SERINC1: variants seen among roughly 807,000 people sequenced by gnomAD.
SERINC1 encodes the protein serine incorporator 1.
SERINC1 carries 38 observed loss-of-function variants against 52.9 expected under a neutral mutation model. The ratio of observed to expected loss-of-function variants is 0.72; its 90% CI spans 0.55 to 0.94. The LOEUF is 0.94. Among genes scored for constraint, SERINC1 ranks in the 40% least tolerant of loss-of-function variants. SERINC1 has a pLI of 0.00. For synonymous variants in SERINC1, 198 were observed against 183.1 expected (o/e 1.08, Z -0.66); for missense variants, 471 against 533.9 (o/e 0.88, Z 1.16).
intron 1 of SERINC1, among the ~76,000 whole-genome samples, chr6:122,465,516 G>C (rs1286202836): frequency 6.6e-6 from 1 of 152,180 alleles, no homozygotes; most frequent in African/African-American, 2.4e-5. Context: ...TTGCCTTCCA[G>C]AATGCAGGTA....
At chr6:122,455,992 A>G (rs998356096) in intron 3 of SERINC1, among the ~76,000 whole-genome samples, 17 of 152,320 alleles carry the variant, frequency 1.1e-4, no homozygotes, top group African/African-American at 3.8e-4. Flanking sequence ...GGTAGCACAT[A>G]TAACTAGATA....
intron 7 of SERINC1, among the ~76,000 whole-genome samples, chr6:122,448,788 ATTTTTTT>A (rs67382351): frequency 1.7e-5 from 2 of 119,478 alleles, no homozygotes; most frequent in South Asian, 5.5e-4. Context: ...TGCTTTGCCT[ATTTTTTT>A]TTTTTTTTTT....
chr6:122,452,654 T>C lies in SERINC1; in HGVS notation c.590-597A>G, dbSNP rs573691342. Among the ~76,000 whole-genome samples, 8 of 152,346 alleles carry C rather than the reference T, an allele frequency of 5.3e-5. No homozygotes were observed. In the South Asian group the frequency reaches 1.7e-3, roughly 32 times the overall value. ...TATGTGCCTAATATACAAGTATTTA[T>C]GTAGATTTGCCTCGCTGACAGGGGA... On this transcript the variant is annotated intron_variant, in intron 5 of 9. Coordinates refer to ENST00000339697, the MANE Select transcript of SERINC1 (RefSeq NM_020755.4).
chr6:122,446,692 C>T, intron 9 of SERINC1, 82 bp downstream of exon 9: 1 of 877,530 alleles, frequency 1.1e-6, no homozygotes, highest in Non-Finnish European at 1.8e-6. Flanking sequence ...AAAAGTACTT[C>T]ATATCACATC....
Position 122,443,929 on chromosome 6 carries a change from A to G in SERINC1, c.*1115T>C, listed in dbSNP as rs1007209556. The G allele has an allele frequency of 6.6e-6, 1 of 152,202 alleles. No homozygotes were observed. Among genetic ancestry groups the G allele is most frequent in the African/African-American group, 2.4e-5 (1 of 41,456 alleles). 9.4% of individuals were successfully genotyped at this position (152,202 alleles called of 1,614,324 possible). A position where few individuals can be genotyped will look rare whatever the true frequency, so the allele number is the denominator to read the frequency against. On this transcript the variant is annotated 3_prime_UTR_variant, in exon 10 of 10. Coordinates refer to ENST00000339697, the MANE Select transcript of SERINC1 (RefSeq NM_020755.4). Reference sequence around the variant, plus strand: ...ATGAGAGAACTGGACTAGATTTTATATAAGTACCTACTAAAGCCTAGTGTT... The same window carrying G: ...ATGAGAGAACTGGACTAGATTTTATGTAAGTACCTACTAAAGCCTAGTGTT...
At chr6:122,449,673 C>T (rs929578084) in intron 7 of SERINC1, among the ~76,000 whole-genome samples, 2 of 152,182 alleles carry the variant, frequency 1.3e-5, no homozygotes, top group African/African-American at 4.8e-5. Flanking sequence ...AGTGCTGATG[C>T]AGAAGCTACA....
In SERINC1 at chr6:122,454,088, G is replaced by A. The variant is rs1582632832; in HGVS notation, c.451+63C>T. ...AAGACAAACAATTATAGTTCCAGGT[G>A]ACAATTATTTCAGATTCCTTTATAA... On this transcript the variant is annotated intron_variant, in intron 4 of 9. Transcript: ENST00000339697. 3.3e-6 allele frequency: 4 copies of A among 1,228,924 alleles called. No homozygotes were observed. In the East Asian group the frequency reaches 7.3e-5, roughly 22 times the overall value. 76.1% of individuals were successfully genotyped at this position (1,228,924 alleles called of 1,614,324 possible).
At chr6:122,455,673 C>A (rs977013654) in intron 3 of SERINC1, among the ~76,000 whole-genome samples, 2 of 152,076 alleles carry the variant, frequency 1.3e-5, no homozygotes, top group East Asian at 3.9e-4. Flanking sequence ...TCAGAAAAAA[C>A]AACAATTACA....
intron 8 of SERINC1, 21 bp downstream of exon 8, chr6:122,447,100 A>C (rs1562212345): frequency 6.2e-7 from 1 of 1,601,640 alleles, no homozygotes. Flanking sequence ...TTAAAGAAAA[A>C]AATTCCATAG....
chr6:122,451,974 T>G lies in SERINC1; in HGVS notation c.673A>C (p.Ser225Arg). 1 of 1,598,990 alleles carries G rather than the reference T, an allele frequency of 6.3e-7. No homozygotes were observed. The highest frequency in any genetic ancestry group is 8.5e-7 in the Non-Finnish European group (1 of 1,173,068). The change falls in exon 6 of 10, where the codon AGT becomes CGT. Residue 225 changes from serine (S) to arginine (R), a missense_variant. Transcript: ENST00000339697. ...ATGAACGCCTTGTTTTCTGAACAAC[T>G]GGCTGGATGAGTGTAGTAGACAAAG... ...LFFVYYTHPA[S>R]CSENKAFISV...
intron 1 of SERINC1, among the ~76,000 whole-genome samples, chr6:122,469,399 C>CA (rs1775237267): frequency 6.8e-6 from 1 of 146,692 alleles, no homozygotes; most frequent in Non-Finnish European, 1.5e-5. Flanking sequence ...TTTTTTGACA[C>CA]AGAGTCTCAC....
At chr6:122,461,954 A>G (rs1469711126) in intron 1 of SERINC1, among the ~76,000 whole-genome samples, 1 of 152,186 alleles carries the variant, frequency 6.6e-6, no homozygotes, top group African/African-American at 2.4e-5. Context: ...TCATAAACAT[A>G]CACAAAAAAA....
At chr6:122,458,359 A>G (rs1021659786) in intron 2 of SERINC1, among the ~76,000 whole-genome samples, 161 bp downstream of exon 2, 2 of 152,192 alleles carry the variant, frequency 1.3e-5, no homozygotes, top group African/African-American at 4.8e-5. Context: ...TTAACAAACT[A>G]ATGTATATTA....
At chr6:122,470,707 A>C (rs898581905) in intron 1 of SERINC1, among the ~76,000 whole-genome samples, 16 of 152,140 alleles carry the variant, frequency 1.1e-4, no homozygotes, top group Non-Finnish European at 2.4e-4. Context: ...AAAACCTTTA[A>C]GAGTATATAT....
At chr6:122,458,821 T>C in intron 1 of SERINC1, 140 bp from the exon 2 acceptor site, 1 of 587,448 alleles carries the variant, frequency 1.7e-6, no homozygotes, top group Middle Eastern at 3.7e-4. Context: ...ACATACGGTA[T>C]TTGGTTCATA....
At chr6:122,449,013 AT>A (rs1774858813) in intron 7 of SERINC1, among the ~76,000 whole-genome samples, 3 of 152,144 alleles carry the variant, frequency 2.0e-5, no homozygotes, top group Non-Finnish European at 4.4e-5. Flanking sequence ...TTATGTTACT[AT>A]TGTAATTTCT....
chr6:122,457,385 C>T (rs1775016801), intron 2 of SERINC1, among the ~76,000 whole-genome samples: 1 of 152,158 alleles, frequency 6.6e-6, no homozygotes, highest in South Asian at 2.1e-4. Context: ...AATTTCTATC[C>T]TCAAGGCAGT....
rs1484621197 is a variant in SERINC1 at position 122,458,560 on chromosome 6, C to T, written c.161G>A (p.Cys54Tyr). ...TTCCATTCCTGGTATCAACATTACA[C>T]AAGCTACACATACTCCAACAAGCAA... ...LFLLVGVCVACVMLIPGMEEQ... is the reference protein window; with the variant it reads ...LFLLVGVCVAYVMLIPGMEEQ... The change falls in exon 2 of 10, where the codon TGT becomes TAT. Residue 54 changes from cysteine (C) to tyrosine (Y), a missense_variant. By Grantham distance (194) the Cys-to-Tyr change is radical. Coordinates refer to ENST00000339697, the MANE Select transcript of SERINC1 (RefSeq NM_020755.4). 6.2e-7 allele frequency: 1 copy of T among 1,613,168 alleles called. No individual in the cohort carries two copies. The highest frequency in any genetic ancestry group is 1.3e-5 in the African/African-American group (1 of 74,860).
At position 122,471,549 on chromosome 6, in the gene SERINC1, G is replaced by A. The variant is rs189370395; in HGVS notation, c.39+150C>T. On this transcript the variant is annotated intron_variant, in intron 1 of 9. Transcript: ENST00000339697. ...AGCTCTGAAGCTGAGTCTGAGTGACGAGAGGAGACGGGAAGAAAACGGGGA... is the reference window on the plus strand; with the variant it reads ...AGCTCTGAAGCTGAGTCTGAGTGACAAGAGGAGACGGGAAGAAAACGGGGA... 2.7e-3 allele frequency: 2,413 copies of A among 895,136 alleles called. 12 individuals carry two copies. Among genetic ancestry groups the A allele is most frequent in the African/African-American group, 2.6e-3 (157 of 59,930 alleles). The allele number at this position is 895,136 out of a possible 1,614,324, so 55.4% of individuals were successfully genotyped here.
Sources: allele counts gnomAD v4.1 joint callset (sites outside exome capture counted in the v4.1 genomes callset), GRCh38; gene constraint gnomAD v4.1.1; transcripts MANE v1.5; gene names NCBI Gene and HGNC (gene_info 2026-07-23, HGNC 2026-07-21).